Variants in LRMDA observed in about 807,000 individuals in gnomAD.
The protein encoded by LRMDA is leucine rich melanocyte differentiation associated, also known as leucine-rich melanocyte differentiation-associated protein.
Under a neutral mutation model 29.8 loss-of-function variants are expected in LRMDA, and 18 were observed. That is an observed-to-expected ratio of 0.60 (90% CI 0.42 to 0.90). The LOEUF (loss-of-function observed/expected upper bound fraction) is 0.90, where lower values mean the gene tolerates loss of function less well. LRMDA is among the 40% of genes least tolerant of loss of function. The probability of loss-of-function intolerance (pLI) is 0.00; values close to 1 mark genes in which losing one functional copy is unlikely to be tolerated. For missense variants in LRMDA, 273 were observed against 273.9 expected, an observed-to-expected ratio of 1.00 and a Z score of 0.02; for synonymous variants, 125 against 109.4, an observed-to-expected ratio of 1.14 and a Z score of -0.89.
At chr10:75,523,825 C>A (rs1845387080) in intron 2 of LRMDA, among the ~76,000 whole-genome samples, 1 of 152,000 alleles carries the variant, frequency 6.6e-6, no homozygotes, top group Non-Finnish European at 1.5e-5. Flanking sequence ...TTCTCTCTGC[C>A]CCTTCCTGAG....
In LRMDA at chr10:76,091,660, C is replaced by T. The variant is rs116567441; in HGVS notation, c.516+32877C>T. Among the ~76,000 whole-genome samples, 638 of 152,116 alleles carry T rather than the reference C, an allele frequency of 4.2e-3. 2 individuals are homozygous for T. Among genetic ancestry groups the T allele is most frequent in the African/African-American group, 0.015 (613 of 41,506 alleles). On this transcript the variant is annotated intron_variant, in intron 5 of 6. Coordinates refer to ENST00000611255, the MANE Select transcript of LRMDA (RefSeq NM_001305581.2). ...GTGCTTCCTCCCTGCCATGCATCCC[C>T]CTCCCACCAACTCCCTTCATCCCCA...
intron 2 of LRMDA, among the ~76,000 whole-genome samples, chr10:75,572,680 A>G (rs1317723873): frequency 6.6e-6 from 1 of 152,156 alleles, no homozygotes; most frequent in Admixed American, 6.5e-5. Context: ...CTGGGTATAG[A>G]ATTCTAGCTG....
chr10:75,698,472 G>A (rs1490726196), intron 2 of LRMDA, among the ~76,000 whole-genome samples: 2 of 152,170 alleles, frequency 1.3e-5, no homozygotes, highest in African/African-American at 4.8e-5. Flanking sequence ...CAGGGAATAA[G>A]CTGAAACAGT....
intron 5 of LRMDA, among the ~76,000 whole-genome samples, chr10:76,100,676 C>G (rs1849381687): frequency 6.6e-6 from 1 of 152,210 alleles, no homozygotes; most frequent in Non-Finnish European, 1.5e-5. Context: ...ACATTTTCCT[C>G]AGATACAGTA....
chr10:75,746,358 G>A (rs1842890637), intron 2 of LRMDA, among the ~76,000 whole-genome samples: 1 of 152,218 alleles, frequency 6.6e-6, no homozygotes, highest in South Asian at 2.1e-4. Flanking sequence ...CACTTAAGGG[G>A]TAAATCGTAA....
At chr10:76,224,574 A>C (rs1233097625) in intron 5 of LRMDA, among the ~76,000 whole-genome samples, 1 of 152,036 alleles carries the variant, frequency 6.6e-6, no homozygotes, top group Non-Finnish European at 1.5e-5. Flanking sequence ...CCTGTCTCAA[A>C]AAAGAAAAAA....
chr10:76,278,663 T>C (rs1460547814), intron 5 of LRMDA, among the ~76,000 whole-genome samples: 1 of 152,220 alleles, frequency 6.6e-6, no homozygotes, highest in Non-Finnish European at 1.5e-5. Context: ...GTTCATTGTC[T>C]CTGTAATAAA....
At chr10:76,066,554 A>G (rs1848789151) in intron 5 of LRMDA, among the ~76,000 whole-genome samples, 1 of 152,148 alleles carries the variant, frequency 6.6e-6, no homozygotes, top group African/African-American at 2.4e-5. Context: ...GTCACACTCA[A>G]AGCTTGTGCT....
chr10:76,428,367 T>C (rs920139924), intron 6 of LRMDA, among the ~76,000 whole-genome samples: 1 of 152,194 alleles, frequency 6.6e-6, no homozygotes, highest in African/African-American at 2.4e-5. Flanking sequence ...TCATCCTTGA[T>C]GCTGGCTCAG....
chr10:76,307,293 G>C (rs545100703), intron 5 of LRMDA, among the ~76,000 whole-genome samples: 2 of 152,274 alleles, frequency 1.3e-5, no homozygotes, highest in East Asian at 3.9e-4. Context: ...GGGTTTTCTG[G>C]AGGTGGAGGC....
chr10:75,959,898 C>T (rs1846733148), intron 2 of LRMDA, among the ~76,000 whole-genome samples: 1 of 152,186 alleles, frequency 6.6e-6, no homozygotes, highest in African/African-American at 2.4e-5. Context: ...TTGAATGTTA[C>T]TTATAAGCTG....
intron 2 of LRMDA, among the ~76,000 whole-genome samples, chr10:75,779,927 A>G (rs1843360428): frequency 6.6e-6 from 1 of 152,180 alleles, no homozygotes; most frequent in South Asian, 2.1e-4. Flanking sequence ...TCGAGATGAA[A>G]TCATACTGGA....
intron 5 of LRMDA, among the ~76,000 whole-genome samples, chr10:76,060,291 G>A (rs1053425730): frequency 9.9e-5 from 15 of 152,084 alleles, no homozygotes; most frequent in Admixed American, 5.9e-4. Context: ...ACTTTGATGT[G>A]GGCAGCTCTA....
chr10:76,310,605 G>A (rs1261379208), intron 5 of LRMDA, among the ~76,000 whole-genome samples: 1 of 152,036 alleles, frequency 6.6e-6, no homozygotes, highest in South Asian at 2.1e-4. Context: ...TGTGATGCAG[G>A]CTTTCCCCTC....
chr10:75,583,705 T>A (rs1840622800), intron 2 of LRMDA, among the ~76,000 whole-genome samples: 1 of 152,152 alleles, frequency 6.6e-6, no homozygotes, highest in South Asian at 2.1e-4. Context: ...CCTCTTGTAT[T>A]TTTTTCAATT....
At chr10:75,808,352 C>T (rs1843894830) in intron 2 of LRMDA, among the ~76,000 whole-genome samples, 1 of 152,160 alleles carries the variant, frequency 6.6e-6, no homozygotes, top group African/African-American at 2.4e-5. Flanking sequence ...GCAGGGCGTG[C>T]GTCTCGTGCA....
intron 2 of LRMDA, among the ~76,000 whole-genome samples, chr10:75,891,451 A>G (rs1017962565): frequency 1.3e-5 from 2 of 150,770 alleles, no homozygotes; most frequent in East Asian, 3.9e-4. Flanking sequence ...TGTGGAGGTA[A>G]CAGCACACAC....
chr10:76,049,284 G>A (rs1053155875), intron 4 of LRMDA, among the ~76,000 whole-genome samples: 9 of 152,196 alleles, frequency 5.9e-5, no homozygotes, highest in African/African-American at 2.2e-4. Flanking sequence ...AAGTTGCCAT[G>A]AGAGGCTAGA....
At chr10:76,527,232 T>G (rs997663687) in intron 6 of LRMDA, among the ~76,000 whole-genome samples, 13 of 152,096 alleles carry the variant, frequency 8.5e-5, no homozygotes, top group African/African-American at 3.1e-4. Flanking sequence ...TGTGCTGTCT[T>G]CTGAGGGCAC....
Sources: allele counts gnomAD v4.1 joint callset (sites outside exome capture counted in the v4.1 genomes callset), GRCh38; gene constraint gnomAD v4.1.1; transcripts MANE v1.5; gene names NCBI Gene and HGNC (gene_info 2026-07-23, HGNC 2026-07-21).